KLF9: variants seen among roughly 807,000 people sequenced by gnomAD.
KLF9 encodes KLF transcription factor 9, also known as Krueppel-like factor 9.
In KLF9, 2 loss-of-function variants were observed where a neutral mutation model predicts 17.3. That is an observed-to-expected ratio of 0.12 (90% CI 0.05 to 0.36). The LOEUF (loss-of-function observed/expected upper bound fraction) is 0.36. KLF9 is among the 10% of genes least tolerant of loss of function. The pLI, the probability that KLF9 is intolerant of heterozygous loss-of-function variation, is 1.00. For missense variants in KLF9, 226 were observed against 333.2 expected, an observed-to-expected ratio of 0.68 and a Z score of 2.51; for synonymous variants, 138 against 139.2, an observed-to-expected ratio of 0.99 and a Z score of 0.06.
intron 1 of KLF9, among the ~76,000 whole-genome samples, chr9:70,403,650 CT>C (rs993265261): frequency 2.6e-5 from 4 of 152,170 alleles, no homozygotes; most frequent in Non-Finnish European, 5.9e-5. Context: ...AGAGCTACCC[CT>C]AGATGTGTTT....
intron 1 of KLF9, among the ~76,000 whole-genome samples, chr9:70,389,112 G>A (rs1400072726): frequency 6.6e-6 from 1 of 151,666 alleles, no homozygotes; most frequent in African/African-American, 2.4e-5. Context: ...CTGCACTCTA[G>A]CCTAGGCGAC....
rs7020167 is a variant in KLF9 at position 70,387,732 on chromosome 9, C to G, written c.*44G>C. ...GCGTCTGTTTCCTGGGAGTACTTTT[C>G]TCCTTTCGGGGTCCATCCCTCCCTG... is the stretch of plus-strand genomic sequence containing the variant. On this transcript the variant is annotated 3_prime_UTR_variant, in exon 2 of 2. Coordinates refer to ENST00000377126, the MANE Select transcript of KLF9 (RefSeq NM_001206.4). The G allele has an allele frequency of 1, 1,568,224 of 1,572,514 alleles. 782,059 individuals carry two copies. The highest frequency in any genetic ancestry group is 1 in the East Asian group (44,415 of 44,416).
At chr9:70,411,730 G>C (rs2037314970) in intron 1 of KLF9, among the ~76,000 whole-genome samples, 1 of 152,022 alleles carries the variant, frequency 6.6e-6, no homozygotes, top group Non-Finnish European at 1.5e-5. Flanking sequence ...AAAGTATCGA[G>C]GTATTACACC....
At chr9:70,390,671 T>G (rs2037147866) in intron 1 of KLF9, among the ~76,000 whole-genome samples, 1 of 152,008 alleles carries the variant, frequency 6.6e-6, no homozygotes, top group Non-Finnish European at 1.5e-5. Flanking sequence ...TCTCTCTCTC[T>G]CTCTCGTCCT....
At chr9:70,404,677 C>A (rs2037245017) in intron 1 of KLF9, among the ~76,000 whole-genome samples, 1 of 152,000 alleles carries the variant, frequency 6.6e-6, no homozygotes, top group Non-Finnish European at 1.5e-5. Context: ...GAATTCTAAA[C>A]AAAAATTCTA....
At chr9:70,397,944 T>G (rs1440450348) in intron 1 of KLF9, among the ~76,000 whole-genome samples, 1 of 152,148 alleles carries the variant, frequency 6.6e-6, no homozygotes, top group Non-Finnish European at 1.5e-5. Flanking sequence ...ACGGAAGAGG[T>G]GTGCAGGCCA....
At chr9:70,395,670 G>A (rs990666547) in intron 1 of KLF9, among the ~76,000 whole-genome samples, 1 of 152,178 alleles carries the variant, frequency 6.6e-6, no homozygotes, top group African/African-American at 2.4e-5. Context: ...CTGGCCAGAC[G>A]TGGTGGTTCA....
rs1484666120 is a variant in KLF9 at position 70,413,545 on chromosome 9, C to A, written c.-182G>T. On this transcript the variant is annotated 5_prime_UTR_variant, in exon 1 of 2. The change abolishes an upstream ATG in the 5' untranslated region. Coordinates refer to ENST00000377126, the MANE Select transcript of KLF9 (RefSeq NM_001206.4). This position sits in a 1 kb window ranked among gnomAD's most constrained non-coding sequence, Gnocchi z 5.6. ...GAGCGCCGAGGCGACCTCAGCCCCT[C>A]ATCTTTACGTAACCGGCAGCGCCTC... 2 of 459,332 alleles carry A rather than the reference C, an allele frequency of 4.4e-6. No homozygotes were observed. Among genetic ancestry groups the A allele is most frequent in the Non-Finnish European group, 6.5e-6 (2 of 309,656 alleles). The allele number at this position is 459,332 out of a possible 1,614,324, so 28.5% of individuals were successfully genotyped here.
At chr9:70,410,941 ACCACATC>A (rs1022288804) in intron 1 of KLF9, among the ~76,000 whole-genome samples, 1 of 152,154 alleles carries the variant, frequency 6.6e-6, no homozygotes, top group African/African-American at 2.4e-5. Context: ...ACCTGCAATC[ACCACATC>A]CCTAGGTTCA....
intron 1 of KLF9, among the ~76,000 whole-genome samples, chr9:70,390,840 AG>A (rs1174199040): frequency 6.6e-6 from 1 of 152,184 alleles, no homozygotes; most frequent in Non-Finnish European, 1.5e-5. Flanking sequence ...AAATATAACA[AG>A]GGGTCAGAAC....
chr9:70,413,306 T>C lies in KLF9; in HGVS notation c.58A>G (p.Asn20Asp), dbSNP rs753285964. ...VAAQCLVSIS[N>D]RAAVPEHGVA... The stretch of plus-strand genomic sequence containing the variant: ...CCATGCTCCGGCACCGCAGCGCGGT[T>C]CGAAATGGAAACCAGACACTGGGCA... The change falls in exon 1 of 2, where the codon AAC becomes GAC. Residue 20 changes from asparagine to aspartate, a missense_variant. Asn to Asp is a conservative substitution (Grantham distance 23). Transcript: ENST00000377126. The surrounding 1 kb of genome is among the most constrained non-coding windows in gnomAD (Gnocchi z 5.6). 1 of 1,606,858 alleles carries C rather than the reference T, an allele frequency of 6.2e-7. No homozygotes were observed. The highest frequency in any genetic ancestry group is 8.5e-7 in the Non-Finnish European group (1 of 1,177,250).
At chr9:70,402,944 G>C (rs565247565) in intron 1 of KLF9, among the ~76,000 whole-genome samples, 1 of 152,272 alleles carries the variant, frequency 6.6e-6, no homozygotes, top group African/African-American at 2.4e-5. Flanking sequence ...GAGGTCAGGA[G>C]TTCAAGACAA....
intron 1 of KLF9, 57 bp downstream of exon 1, chr9:70,412,797 ACGCTG>A (rs2118933441): frequency 2.0e-6 from 3 of 1,498,704 alleles, no homozygotes; most frequent in Non-Finnish European, 2.7e-6. Context: ...ACGCCCAGGA[ACGCTG>A]CCTGGCCAAA....
In KLF9 at chr9:70,412,615, A is replaced by T. The variant is rs572781995; in HGVS notation, c.505+244T>A. On this transcript the variant is annotated intron_variant, in intron 1 of 1. Transcript: ENST00000377126. ...GGCGGACACCACTCCCCGCGAAGCC[A>T]CGCACCGCACTCGCTCTGCCCGCCA... is the stretch of plus-strand genomic sequence containing the variant. 2.6e-5 allele frequency among the ~76,000 whole-genome samples: 4 copies of T among 152,334 alleles called. No individual in the cohort carries two copies. The South Asian group carries it at 8.3e-4, about 32-fold the overall frequency.
rs141741907 is a variant in KLF9, at chr9:70,402,690, C to T, written c.505+10169G>A. 8.5e-4 allele frequency among the ~76,000 whole-genome samples: 130 copies of T among 152,258 alleles called. 1 individual carries two copies. Among genetic ancestry groups the T allele is most frequent in the Non-Finnish European group, 2.9e-4 (20 of 68,020 alleles). On this transcript the variant is annotated intron_variant, in intron 1 of 1. Transcript: ENST00000377126. ...CAAAATCATCTATCTTCTGCAAAGA[C>T]CCTTCTGTACATTCACTTATGGCCT...
chr9:70,390,022 T>C (rs1004218752), intron 1 of KLF9, among the ~76,000 whole-genome samples: 1 of 152,204 alleles, frequency 6.6e-6, no homozygotes, highest in African/African-American at 2.4e-5. Context: ...CATCCAAAAT[T>C]ATTCATTCTA....
Position 70,413,429 on chromosome 9 carries a change from C to A in KLF9, c.-66G>T. ...GCGGTGGCTGCGGAGGTTCGGCTCG[C>A]CCTGCCCTGGCCTCGGACGACGAGC... On this transcript the variant is annotated 5_prime_UTR_variant, in exon 1 of 2. Transcript: ENST00000377126. This position sits in a 1 kb window ranked among gnomAD's most constrained non-coding sequence, Gnocchi z 5.6. 1 of 1,408,112 alleles carries A rather than the reference C, an allele frequency of 7.1e-7. No individual in the cohort carries two copies. Among genetic ancestry groups the A allele is most frequent in the Non-Finnish European group, 9.2e-7 (1 of 1,086,604 alleles). The allele number at this position is 1,408,112 out of a possible 1,614,324, so 87.2% of individuals were successfully genotyped here.
chr9:70,387,545 CAG>C lies in KLF9; in HGVS notation c.*229_*230del. ...TCCCTCCAACAGTCAGAGACGGGTT[CAG>C]AGAGTTGCCTCTTCAAGGGGACCGA... On this transcript the variant is annotated 3_prime_UTR_variant, in exon 2 of 2. Coordinates refer to ENST00000377126, the MANE Select transcript of KLF9 (RefSeq NM_001206.4). The C allele has an allele frequency of 3.8e-6, 2 of 527,694 alleles. No individual in the cohort carries two copies. The highest frequency in any genetic ancestry group is 3.2e-5 in the East Asian group (1 of 31,034). 32.7% of individuals were successfully genotyped at this position (527,694 alleles called of 1,614,324 possible).
At chr9:70,411,939 CA>C (rs1468012151) in intron 1 of KLF9, among the ~76,000 whole-genome samples, 1 of 152,120 alleles carries the variant, frequency 6.6e-6, no homozygotes, top group East Asian at 1.9e-4. Flanking sequence ...TCATGTTAAA[CA>C]CAACCAACAG....
Sources: allele counts gnomAD v4.1 joint callset (sites outside exome capture counted in the v4.1 genomes callset), GRCh38; gene constraint gnomAD v4.1.1; non-coding constraint Gnocchi (gnomAD v3.1); transcripts MANE v1.5; gene names NCBI Gene and HGNC (gene_info 2026-07-23, HGNC 2026-07-21).